Variants in NBAS observed in about 807,000 individuals in gnomAD.
NBAS encodes the protein NBAS subunit of NRZ tethering complex, also known as NAG/BC035112 fusion.
Under a neutral mutation model 302.5 loss-of-function variants are expected in NBAS, and 219 were observed. That is an observed-to-expected ratio of 0.72 (90% CI 0.65 to 0.81). The LOEUF (loss-of-function observed/expected upper bound fraction) is 0.81. NBAS is among the 30% of genes least tolerant of loss of function. NBAS has a pLI of 0.00. For synonymous variants in NBAS, 1,118 were observed against 1,021.6 expected (o/e 1.09, Z -1.80); for missense variants, 2,932 against 2,841.6 (o/e 1.03, Z -0.72).
the NBAS span, among the ~76,000 whole-genome samples, chr2:15,060,357 T>G: frequency 1.3e-5 from 2 of 152,074 alleles, no homozygotes; most frequent in African/African-American, 4.8e-5. Context: ...AGTGAAAGTG[T>G]CTTTAGTGAC....
At chr2:15,354,791 T>C (rs1673533479) in intron 33 of NBAS, among the ~76,000 whole-genome samples, 1 of 152,220 alleles carries the variant, frequency 6.6e-6, no homozygotes, top group East Asian at 1.9e-4. Context: ...ACTCCAGTTT[T>C]AGCAAAAATC....
intron 21 of NBAS, among the ~76,000 whole-genome samples, chr2:15,446,300 A>T (rs1678739511): frequency 6.6e-6 from 1 of 152,196 alleles, no homozygotes; most frequent in Non-Finnish European, 1.5e-5. Context: ...TCTTAAAAGC[A>T]TGCAAAGAAA....
At chr2:15,094,453 AT>A in the NBAS span, among the ~76,000 whole-genome samples, 3 of 152,180 alleles carry the variant, frequency 2.0e-5, 1 homozygote, top group South Asian at 6.2e-4. Context: ...CAAAGAATAC[AT>A]TTTCAAATCA....
intron 25 of NBAS, among the ~76,000 whole-genome samples, chr2:15,412,017 T>A (rs570798052): frequency 6.6e-6 from 1 of 151,688 alleles, no homozygotes; most frequent in African/African-American, 2.4e-5. Context: ...CAGAAAGGAG[T>A]GCTTTAAGAT....
chr2:15,327,659 T>C, intron 38 of NBAS, 91 bp downstream of exon 38: 1 of 1,498,298 alleles, frequency 6.7e-7, no homozygotes, highest in Non-Finnish European at 9.2e-7. Flanking sequence ...GAAAAATTTC[T>C]TTTCCAAACT....
the NBAS span, among the ~76,000 whole-genome samples, chr2:15,101,219 G>C: frequency 6.6e-6 from 1 of 151,988 alleles, no homozygotes. Flanking sequence ...TTGTCAAGTA[G>C]TAAAATTTTA....
In NBAS at chr2:15,475,695, T is replaced by A. The variant is rs751468811; in HGVS notation, c.1333A>T (p.Ser445Cys). The part of the protein sequence containing the change: ...VTATHDGGFL[S>C]LECEIKLAPK... ...ACAGGAAAAAGCCTTACCTCCAAAC[T>A]TAAAAATCCCCCATCATGGGTAGCA... The change falls in exon 14 of 52, where the codon AGT becomes TGT. Residue 445 changes from serine (S) to cysteine (C), a missense_variant. Physicochemically the swap from Ser to Cys is moderately radical, Grantham distance 112. Coordinates refer to ENST00000281513, the MANE Select transcript of NBAS (RefSeq NM_015909.4). 6.2e-7 allele frequency: 1 copy of A among 1,614,054 alleles called. No individual in the cohort carries two copies. Among genetic ancestry groups the A allele is most frequent in the South Asian group, 1.1e-5 (1 of 91,082 alleles).
rs3834149 is a variant in NBAS at position 15,383,183 on chromosome 2, TAA to T, written c.3360+30_3360+31del. ...ACCATAACAATTAAAATTGTTAAAT[TAA>T]AAAAAAATCGTATATGGTTCTAGAG... On this transcript the variant is annotated intron_variant, in intron 29 of 51. Coordinates refer to ENST00000281513, the MANE Select transcript of NBAS (RefSeq NM_015909.4). 6.5e-6 allele frequency: 10 copies of T among 1,547,628 alleles called. No individual in the cohort carries two copies. In the East Asian group the frequency reaches 6.8e-5, roughly 10 times the overall value.
At chr2:15,095,176 T>C in the NBAS span, among the ~76,000 whole-genome samples, 1 of 152,168 alleles carries the variant, frequency 6.6e-6, no homozygotes, top group African/African-American at 2.4e-5. Context: ...TTCTGCAACT[T>C]GTTTTTCTCA....
chr2:14,792,664 C>T, the NBAS span, among the ~76,000 whole-genome samples: 8 of 150,738 alleles, frequency 5.3e-5, no homozygotes, highest in Non-Finnish European at 1.2e-4. Flanking sequence ...AGGGTAACTA[C>T]CTATGGAAAT....
chr2:15,104,803 G>A, the NBAS span, among the ~76,000 whole-genome samples: 1 of 152,100 alleles, frequency 6.6e-6, no homozygotes, highest in African/African-American at 2.4e-5. Context: ...AATGACCAGT[G>A]ACGATGAGCT....
the NBAS span, among the ~76,000 whole-genome samples, chr2:14,844,370 T>C: frequency 6.6e-6 from 1 of 151,694 alleles, no homozygotes; most frequent in Non-Finnish European, 1.5e-5. Context: ...GACTAAAGAG[T>C]CCTTAGGTCC....
chr2:15,121,178 T>C, the NBAS span, among the ~76,000 whole-genome samples: 2 of 152,228 alleles, frequency 1.3e-5, no homozygotes, highest in Non-Finnish European at 2.9e-5. Flanking sequence ...TCTTTGTTTT[T>C]AGTAGAATTA....
chr2:15,249,869 A>G (rs1668281211), intron 44 of NBAS, among the ~76,000 whole-genome samples: 1 of 152,124 alleles, frequency 6.6e-6, no homozygotes, highest in South Asian at 2.1e-4. Flanking sequence ...ATATCGTGAA[A>G]ATGGCCATAC....
chr2:15,240,998 G>A (rs1407230281), intron 44 of NBAS, among the ~76,000 whole-genome samples: 1 of 152,088 alleles, frequency 6.6e-6, no homozygotes, highest in East Asian at 1.9e-4. Context: ...GGGTCATCGT[G>A]TACAAGAGAA....
chr2:14,965,092 A>C, the NBAS span, among the ~76,000 whole-genome samples: 5 of 152,140 alleles, frequency 3.3e-5, no homozygotes, highest in South Asian at 2.1e-4. Flanking sequence ...ATACACTCTC[A>C]AATCAATAAC....
intron 9 of NBAS, among the ~76,000 whole-genome samples, chr2:15,520,287 A>G (rs1422710130): frequency 6.6e-6 from 1 of 152,194 alleles, no homozygotes; most frequent in Admixed American, 6.5e-5. Flanking sequence ...CTGTAGTCCC[A>G]GTTACTCAGA....
At chr2:15,327,701 G>T in intron 38 of NBAS, 49 bp downstream of exon 38, 1 of 1,607,990 alleles carries the variant, frequency 6.2e-7, no homozygotes, top group Non-Finnish European at 8.5e-7. Context: ...GGTTAACAAT[G>T]TTCACCTAGA....
At chr2:15,284,043 G>A (rs1669936162) in intron 42 of NBAS, among the ~76,000 whole-genome samples, 1 of 152,024 alleles carries the variant, frequency 6.6e-6, no homozygotes, top group African/African-American at 2.4e-5. Context: ...GAGGCTGAGA[G>A]AGCCAGTGTC....
Sources: gnomAD v4.1 joint callset for allele counts (sites outside exome capture counted in the v4.1 genomes callset) on GRCh38, gnomAD v4.1.1 for gene constraint, MANE v1.5 for transcripts, NCBI Gene and HGNC (gene_info 2026-07-23, HGNC 2026-07-21) for gene names.